DNAH6: variants seen among roughly 807,000 people sequenced by gnomAD.
The protein encoded by DNAH6 is axonemal beta dynein heavy chain 6.
In DNAH6, 340 loss-of-function variants were observed where a neutral mutation model predicts 491.4. The observed-to-expected ratio is 0.69, with a 90% CI of 0.63 to 0.76. The LOEUF (loss-of-function observed/expected upper bound fraction) is 0.76, where lower values mean the gene tolerates loss of function less well. Ranked by LOEUF, DNAH6 falls within the 30% of genes least tolerant of loss-of-function variation. The pLI is 0.00. For synonymous variants in DNAH6, 1,603 were observed against 1,686.1 expected, an observed-to-expected ratio of 0.95 and a Z score of 1.21; for missense variants, 4,443 against 4,972.2, an observed-to-expected ratio of 0.89 and a Z score of 3.20.
chr2:84,775,045 A>G (rs376392995), intron 64 of DNAH6, among the ~76,000 whole-genome samples: 1 of 152,040 alleles, frequency 6.6e-6, no homozygotes, highest in Non-Finnish European at 1.5e-5. Flanking sequence ...GTACTATGTT[A>G]AAAAGGAGTG....
chr2:84,676,068 G>A (rs2104699379), intron 40 of DNAH6, among the ~76,000 whole-genome samples: 1 of 152,266 alleles, frequency 6.6e-6, no homozygotes. Flanking sequence ...AATAGCCCAG[G>A]CTATTTGTGG....
intron 37 of DNAH6, among the ~76,000 whole-genome samples, chr2:84,664,812 A>G (rs983864761): frequency 2.6e-5 from 4 of 152,232 alleles, no homozygotes; most frequent in Non-Finnish European, 5.9e-5. Flanking sequence ...TCAGCACCAC[A>G]TCGCACTTAT....
intron 21 of DNAH6, 92 bp from the exon 22 acceptor site, chr2:84,611,582 A>T: frequency 9.0e-7 from 1 of 1,117,100 alleles, no homozygotes; most frequent in Non-Finnish European, 1.3e-6. Context: ...AAGGAAAAAG[A>T]TACAGTGATT....
intron 29 of DNAH6, among the ~76,000 whole-genome samples, chr2:84,632,589 C>T (rs907917076): frequency 1.3e-5 from 2 of 152,204 alleles, no homozygotes; most frequent in African/African-American, 4.8e-5. Flanking sequence ...CCAGGACTTA[C>T]ATGTATGCTA....
rs541738923 is a variant in DNAH6 at position 84,695,245 on chromosome 2, T to A, written c.7524+765T>A. Among the ~76,000 whole-genome samples, 35 of 152,226 alleles carry A rather than the reference T, an allele frequency of 2.3e-4. 1 individual carries two copies. The highest frequency in any genetic ancestry group is 4.6e-4 in the Admixed American group (7 of 15,300). ...TACACAGTTCCAGAAAACAAAGGGC[T>A]TTAAACACCTGAAGAAATTTTCAAC... is the stretch of plus-strand genomic sequence containing the variant. On this transcript the variant is annotated intron_variant, in intron 46 of 76. Coordinates refer to ENST00000389394, the MANE Select transcript of DNAH6 (RefSeq NM_001370.2).
chr2:84,459,608 G>GA, the DNAH6 span: 1 of 274,078 alleles, frequency 3.6e-6, no homozygotes, highest in Non-Finnish European at 7.1e-6. Flanking sequence ...GGGAGCGAGG[G>GA]AAGAGCGGCA....
chr2:84,722,418 A>G (rs1698248852), intron 59 of DNAH6, among the ~76,000 whole-genome samples: 1 of 152,130 alleles, frequency 6.6e-6, no homozygotes, highest in Admixed American at 6.5e-5. Context: ...CCCTCTGCCT[A>G]TTCCTAACTC....
intron 56 of DNAH6, among the ~76,000 whole-genome samples, chr2:84,711,486 A>G (rs78932707): frequency 6.6e-6 from 1 of 152,266 alleles, no homozygotes; most frequent in Non-Finnish European, 1.5e-5. Flanking sequence ...CAGCACCTGC[A>G]TGATGACTAG....
At chr2:84,637,408 G>A (rs898064393) in intron 31 of DNAH6, 31 bp downstream of exon 31, 5 of 1,484,474 alleles carry the variant, frequency 3.4e-6, no homozygotes, top group African/African-American at 1.4e-5. Flanking sequence ...CAGCAGAAAT[G>A]TAAACTTCTT....
At chr2:84,718,950 A>G (rs1558955341) in intron 59 of DNAH6, among the ~76,000 whole-genome samples, 2 of 152,262 alleles carry the variant, frequency 1.3e-5, no homozygotes, top group South Asian at 4.1e-4. Context: ...TGTCGATAGT[A>G]AGATGAAGTT....
chr2:84,658,259 G>T, intron 35 of DNAH6, 33 bp from the exon 36 acceptor site: 1 of 1,398,858 alleles, frequency 7.1e-7, no homozygotes, highest in Non-Finnish European at 9.5e-7. Flanking sequence ...TATTTATCAG[G>T]TCTTGCTAAA....
chr2:84,624,338 T>TCC lies in DNAH6; in HGVS notation c.4145_4146insCC (p.Thr1383LeufsTer10). The TCC allele has an allele frequency of 6.4e-7, 1 of 1,551,398 alleles. No homozygotes were observed. Among genetic ancestry groups the TCC allele is most frequent in the Non-Finnish European group, 8.7e-7 (1 of 1,146,770 alleles). On this transcript the variant is annotated frameshift_variant, in exon 27 of 77. Coordinates refer to ENST00000389394, the MANE Select transcript of DNAH6 (RefSeq NM_001370.2). LOFTEE classifies it high-confidence loss of function. ...CACAGAAACATCCTAACTGCATTGA[T>TCC]TACTATTGATGTGCATGCAAGAGAT...
chr2:84,697,203 C>T (rs548190951), intron 46 of DNAH6, among the ~76,000 whole-genome samples: 11 of 152,176 alleles, frequency 7.2e-5, no homozygotes, highest in South Asian at 4.2e-4. Flanking sequence ...TATCTCTGTC[C>T]GTGCAAATGT....
chr2:84,579,954 G>T lies in DNAH6; in HGVS notation c.2229+275G>T, dbSNP rs184786442. Among the ~76,000 whole-genome samples the T allele has an allele frequency of 5.3e-5, 8 of 152,218 alleles. No individual in the cohort carries two copies. In the East Asian group the frequency reaches 1.5e-3, roughly 29 times the overall value. ...AAGTGTTGATATTTATCCTCATTCT[G>T]CAGATAAGGAAACAGAAACCAAAAC... On this transcript the variant is annotated intron_variant, in intron 14 of 76. Coordinates refer to ENST00000389394, the MANE Select transcript of DNAH6 (RefSeq NM_001370.2).
intron 16 of DNAH6, among the ~76,000 whole-genome samples, chr2:84,590,529 A>G (rs1049716122): frequency 6.1e-5 from 9 of 147,822 alleles, no homozygotes; most frequent in African/African-American, 9.9e-5. Flanking sequence ...GCTACAACTC[A>G]CATGTGAGCA....
chr2:84,538,165 C>T (rs1642518592), intron 4 of DNAH6, among the ~76,000 whole-genome samples: 2 of 152,068 alleles, frequency 1.3e-5, no homozygotes, highest in Admixed American at 6.6e-5. Flanking sequence ...ACTTAATATA[C>T]TCATCCTCAT....
At chr2:84,511,381 G>A in the DNAH6 span, among the ~76,000 whole-genome samples, 1 of 152,238 alleles carries the variant, frequency 6.6e-6, no homozygotes, top group Non-Finnish European at 1.5e-5. Context: ...CCATGCGCGG[G>A]ATATAATCTC....
intron 51 of DNAH6, among the ~76,000 whole-genome samples, chr2:84,704,760 C>T (rs1479162680): frequency 6.6e-6 from 1 of 152,204 alleles, no homozygotes; most frequent in African/African-American, 2.4e-5. Context: ...AAAAGCTGCA[C>T]TAAACACTTC....
At chr2:84,635,757 G>A (rs752025258) in intron 30 of DNAH6, among the ~76,000 whole-genome samples, 5 of 152,082 alleles carry the variant, frequency 3.3e-5, no homozygotes, top group Non-Finnish European at 5.9e-5. Flanking sequence ...GTTTAGAATA[G>A]GTAAACTAAA....
Sources: allele counts gnomAD v4.1 joint callset (sites outside exome capture counted in the v4.1 genomes callset), GRCh38; gene constraint gnomAD v4.1.1; transcripts MANE v1.5; gene names NCBI Gene and HGNC (gene_info 2026-07-23, HGNC 2026-07-21).